EXT2: variants seen among roughly 807,000 people sequenced by gnomAD.
EXT2 encodes the protein exostosin glycosyltransferase 2.
Under a neutral mutation model 81.6 loss-of-function variants are expected in EXT2, and 53 were observed. The ratio of observed to expected loss-of-function variants is 0.65; its 90% CI spans 0.52 to 0.82. EXT2 has a LOEUF of 0.82. Among genes scored for constraint, EXT2 ranks in the 40% least tolerant of loss-of-function variants. EXT2 has a pLI of 0.00. For synonymous variants in EXT2, 320 were observed against 340.0 expected, an observed-to-expected ratio of 0.94 and a Z score of 0.65; for missense variants, 774 against 910.2, an observed-to-expected ratio of 0.85 and a Z score of 1.93.
At chr11:44,119,024 A>T (rs1341436694) in intron 4 of EXT2, among the ~76,000 whole-genome samples, 1 of 149,408 alleles carries the variant, frequency 6.7e-6, no homozygotes, top group Non-Finnish European at 1.5e-5. Context: ...TTCAAGTCAA[A>T]CCTTTATTGA....
In EXT2 at chr11:44,244,176, A is replaced by G. The variant is rs1159744341; in HGVS notation, c.2046A>G (p.Ser682=). 4 of 1,614,014 alleles carry G rather than the reference A, an allele frequency of 2.5e-6. No homozygotes were observed. Among genetic ancestry groups the G allele is most frequent in the Non-Finnish European group, 2.5e-6 (3 of 1,179,998 alleles). ...ERSECINKFA[S]VFGTMPLKVV... ...CAGAGTGCATCAACAAGTTTGCTTC[A>G]GTCTTCGGGACCATGCCTCTCAAGG... The change falls in exon 14 of 14, where the codon TCA becomes TCG. Residue 682 remains serine (S), a synonymous_variant. Transcript: ENST00000533608.
intron 1 of EXT2, among the ~76,000 whole-genome samples, chr11:44,096,516 C>T (rs576067180): frequency 6.6e-6 from 1 of 151,292 alleles, no homozygotes; most frequent in South Asian, 2.1e-4. Context: ...GGGGGCCTGT[C>T]AGGACGGGGC....
chr11:44,109,300 G>T lies in EXT2; in HGVS notation c.626+17G>T. The T allele has an allele frequency of 3.1e-6, 5 of 1,606,092 alleles. No homozygotes were observed. The highest frequency in any genetic ancestry group is 4.3e-6 in the Non-Finnish European group (5 of 1,172,818). ...CAGAGACAGGTAGGAGGCATATTTG[G>T]GGCTGTCCTTATGATGGGTTCAAGA... On this transcript the variant is annotated intron_variant, in intron 3 of 13. Coordinates refer to ENST00000533608, the MANE Select transcript of EXT2 (RefSeq NM_207122.2).
chr11:44,235,843 G>C (rs576585607), intron 12 of EXT2, among the ~76,000 whole-genome samples: 2 of 152,152 alleles, frequency 1.3e-5, no homozygotes, highest in Non-Finnish European at 2.9e-5. Flanking sequence ...AAATAGCTTG[G>C]CATCCTCAAG....
chr11:44,107,939 C>A lies in EXT2; in HGVS notation c.227C>A (p.Pro76His), dbSNP rs768071412. The change falls in exon 2 of 14, where the codon CCC (proline) becomes CAC (histidine). Residue 76 changes from proline to histidine, a missense_variant. By Grantham distance (77) the Pro-to-His change is moderately conservative (BLOSUM62 -2). Transcript: ENST00000533608. ...GTTGTTAGGCTGCCAGCCGACAGTC[C>A]CATCCCAGAGCGGGGGGATCTCAGT... ...VPVVRLPADS[P>H]IPERGDLSCR... 6.2e-7 allele frequency: 1 copy of A among 1,614,220 alleles called. No homozygotes were observed. The highest frequency in any genetic ancestry group is 8.5e-7 in the Non-Finnish European group (1 of 1,180,044).
rs1168070683 is a variant in EXT2, at chr11:44,240,876, C to T, written c.2019-3273C>T. On this transcript the variant is annotated intron_variant, in intron 13 of 13. Transcript: ENST00000533608. ...TACATCCTTCCTTCCTCTTCCCTCC[C>T]CCTGTCTTTGGCTGGTCTCCTGGCC... is the stretch of plus-strand genomic sequence containing the variant. 2.0e-5 allele frequency among the ~76,000 whole-genome samples: 3 copies of T among 152,210 alleles called. No individual in the cohort carries two copies. In the East Asian group the frequency reaches 5.8e-4, roughly 29 times the overall value.
chr11:44,098,392 T>G (rs1440888874), intron 1 of EXT2, among the ~76,000 whole-genome samples: 2 of 151,918 alleles, frequency 1.3e-5, no homozygotes, highest in African/African-American at 2.4e-5. Flanking sequence ...TAGCACAGGT[T>G]TATAAAGGCA....
intron 8 of EXT2, among the ~76,000 whole-genome samples, chr11:44,172,543 C>T (rs947870258): frequency 4.6e-5 from 7 of 151,402 alleles, no homozygotes; most frequent in African/African-American, 1.7e-4. Flanking sequence ...CTCTCTCTTT[C>T]TGACCTCTCA....
intron 13 of EXT2, among the ~76,000 whole-genome samples, chr11:44,242,133 G>T (rs1270994542): frequency 1.3e-5 from 2 of 152,192 alleles, no homozygotes; most frequent in Non-Finnish European, 2.9e-5. Flanking sequence ...CAAGAACCAG[G>T]ATTCTTCTTT....
chr11:44,135,214 CA>C (rs1954548037), intron 7 of EXT2, among the ~76,000 whole-genome samples: 1 of 152,170 alleles, frequency 6.6e-6, no homozygotes, highest in Non-Finnish European at 1.5e-5. Context: ...GAGCCCCTAT[CA>C]GGGGCCTCTT....
chr11:44,129,893 G>A, intron 6 of EXT2, 152 bp from the exon 7 acceptor site: 2 of 708,728 alleles, frequency 2.8e-6, no homozygotes, highest in Non-Finnish European at 5.2e-6. Flanking sequence ...AGTGAAGAAG[G>A]GAGGGGAAAG....
At chr11:44,102,722 T>A (rs1954004013) in intron 1 of EXT2, among the ~76,000 whole-genome samples, 1 of 152,058 alleles carries the variant, frequency 6.6e-6, no homozygotes, top group Non-Finnish European at 1.5e-5. Flanking sequence ...CAATACTTGG[T>A]GGTGTTTGAC....
intron 8 of EXT2, chr11:44,172,046 T>C (rs1177238557): frequency 1.4e-5 from 6 of 432,652 alleles, no homozygotes; most frequent in South Asian, 6.5e-5. Flanking sequence ...ACTTTTGCAA[T>C]TGTAATGCTT....
At chr11:44,137,877 G>A (rs1173327690) in intron 7 of EXT2, among the ~76,000 whole-genome samples, 4 of 152,160 alleles carry the variant, frequency 2.6e-5, no homozygotes, top group Admixed American at 6.6e-5. Context: ...TAAAAAGGGT[G>A]GGCACAGATC....
At chr11:44,195,365 C>T (rs769004247) in intron 8 of EXT2, among the ~76,000 whole-genome samples, 21 of 151,354 alleles carry the variant, frequency 1.4e-4, no homozygotes, top group South Asian at 6.3e-4. Context: ...ACCCGGGAGA[C>T]GGAGGTTGAG....
chr11:44,168,824 T>C (rs953562264), intron 7 of EXT2, among the ~76,000 whole-genome samples: 8 of 152,214 alleles, frequency 5.3e-5, no homozygotes, highest in Non-Finnish European at 1.2e-4. Flanking sequence ...GTGAAATAAA[T>C]AACAAAATAA....
intron 8 of EXT2, among the ~76,000 whole-genome samples, chr11:44,182,784 C>T (rs1290875158): frequency 6.6e-6 from 1 of 152,134 alleles, no homozygotes; most frequent in Non-Finnish European, 1.5e-5. Flanking sequence ...AACATTGGTG[C>T]AATATTATTA....
At chr11:44,176,804 G>A (rs1321885348) in intron 8 of EXT2, among the ~76,000 whole-genome samples, 1 of 151,680 alleles carries the variant, frequency 6.6e-6, no homozygotes, top group Admixed American at 6.6e-5. Context: ...GTGGTCTGGG[G>A]TTTTCAGAGA....
At chr11:44,156,495 G>T (rs1312959587) in intron 7 of EXT2, among the ~76,000 whole-genome samples, 1 of 152,176 alleles carries the variant, frequency 6.6e-6, no homozygotes. Context: ...AAATTCTGCT[G>T]TTGAGAGATT....
Sources: gnomAD v4.1 joint callset for allele counts (sites outside exome capture counted in the v4.1 genomes callset) on GRCh38, gnomAD v4.1.1 for gene constraint, MANE v1.5 for transcripts, NCBI Gene and HGNC (gene_info 2026-07-23, HGNC 2026-07-21) for gene names.